Variants in CHD1L observed in about 807,000 individuals in gnomAD.
The protein encoded by CHD1L is ATP-dependent chromatin remodeler CHD1L.
Under a neutral mutation model 115.9 loss-of-function variants are expected in CHD1L, and 118 were observed. The observed-to-expected ratio is 1.02, with a 90% confidence interval of 0.88 to 1.19. The LOEUF is 1.19. CHD1L is among the 50% of genes most tolerant of loss of function. The pLI, the probability that CHD1L is intolerant of heterozygous loss-of-function variation, is 0.00. For synonymous variants in CHD1L, 411 were observed against 387.1 expected, an observed-to-expected ratio of 1.06 and a Z score of -0.72; for missense variants, 1,179 against 1,065.3, an observed-to-expected ratio of 1.11 and a Z score of -1.49.
chr1:147,208,812 C>T, the CHD1L span: 2 of 1,545,148 alleles, frequency 1.3e-6, no homozygotes, highest in East Asian at 4.5e-5. Flanking sequence ...TATTCTTGTG[C>T]TTTGGCCACT....
chr1:147,255,730 C>T, intron 3 of CHD1L, 83 bp from the exon 4 acceptor site: 1 of 917,906 alleles, frequency 1.1e-6, no homozygotes, highest in Middle Eastern at 3.1e-4. Context: ...GCAATCCTCC[C>T]ATGAAATGTA....
chr1:147,261,294 C>A (rs1292421804), intron 6 of CHD1L, among the ~76,000 whole-genome samples: 1 of 152,064 alleles, frequency 6.6e-6, no homozygotes, highest in Non-Finnish European at 1.5e-5. Context: ...AGTCCAAGAT[C>A]AAGGTGCCAG....
chr1:147,195,727 C>G, the CHD1L span, among the ~76,000 whole-genome samples: 2 of 152,062 alleles, frequency 1.3e-5, no homozygotes, highest in Non-Finnish European at 2.9e-5. Flanking sequence ...AAGATTTTGG[C>G]CACATCCAGT....
chr1:147,201,256 TTA>T, the CHD1L span: 5 of 1,614,138 alleles, frequency 3.1e-6, no homozygotes, highest in East Asian at 1.1e-4. Context: ...CCTTTCCAGG[TTA>T]GGAGGGAAGA....
the CHD1L span, among the ~76,000 whole-genome samples, chr1:147,227,427 A>G: frequency 6.6e-6 from 1 of 152,210 alleles, no homozygotes; most frequent in Non-Finnish European, 1.5e-5. Context: ...TTAACAATGT[A>G]ATTTTATTTT....
Position 147,266,092 on chromosome 1 carries a change from T to A in CHD1L, c.895+5T>A. On this transcript the variant is annotated splice_donor_5th_base_variant and intron_variant, in intron 8 of 22. Coordinates refer to ENST00000369258, the MANE Select transcript of CHD1L (RefSeq NM_004284.6). ...CCATTTTGATGAAAGACCTAGGTAA[T>A]CAGAGGGCACTTGTCCATTTAGAAA... The A allele has an allele frequency of 6.2e-7, 1 of 1,605,898 alleles. No individual in the cohort carries two copies. The highest frequency in any genetic ancestry group is 8.5e-7 in the Non-Finnish European group (1 of 1,177,004).
At chr1:147,187,632 A>C in the CHD1L span, among the ~76,000 whole-genome samples, 1 of 152,168 alleles carries the variant, frequency 6.6e-6, no homozygotes. Flanking sequence ...AAAATTCTCA[A>C]GTATGGCATC....
chr1:147,282,512 A>C (rs1450012522), intron 15 of CHD1L, among the ~76,000 whole-genome samples: 2 of 152,132 alleles, frequency 1.3e-5, no homozygotes, highest in Non-Finnish European at 2.9e-5. Flanking sequence ...GTCTCTTCTT[A>C]ATCTGTCATT....
At chr1:147,252,907 T>C (rs978343814) in intron 2 of CHD1L, among the ~76,000 whole-genome samples, 172 bp downstream of exon 2, 3 of 152,346 alleles carry the variant, frequency 2.0e-5, no homozygotes, top group Non-Finnish European at 4.4e-5. Context: ...CAGTCTTCTC[T>C]GCCTCAGTCA....
At chr1:147,209,437 C>CAAACAAAAA in the CHD1L span, among the ~76,000 whole-genome samples, 1 of 109,900 alleles carries the variant, frequency 9.1e-6, no homozygotes, top group East Asian at 2.6e-4. Flanking sequence ...GACTCCGTCT[C>CAAACAAAAA]AAAAAAAAAA....
chr1:147,182,995 C>T, the CHD1L span, among the ~76,000 whole-genome samples: 2,000 of 152,196 alleles, frequency 0.013, 18 homozygotes, highest in Middle Eastern at 0.024. Context: ...GTCAGGAGAT[C>T]GAGACCATCC....
chr1:147,269,667 C>A (rs74517520), intron 10 of CHD1L, among the ~76,000 whole-genome samples: 32 of 93,260 alleles, frequency 3.4e-4, no homozygotes, highest in South Asian at 4.8e-4. Flanking sequence ...GGCTCCATCT[C>A]AAAAAAAAAA....
intron 20 of CHD1L, among the ~76,000 whole-genome samples, chr1:147,292,084 G>A (rs587769293): frequency 2.0e-5 from 3 of 152,184 alleles, no homozygotes; most frequent in Non-Finnish European, 2.9e-5. Context: ...ATCTGTCCCC[G>A]GAGCACCGTC....
the CHD1L span, chr1:147,204,301 C>A: frequency 0.031 from 29,825 of 967,318 alleles, 776 homozygotes; most frequent in South Asian, 0.091. Context: ...GGAAGTGATA[C>A]CACAGCCCAG....
chr1:147,282,766 TCA>T (rs1224052123), intron 15 of CHD1L, among the ~76,000 whole-genome samples: 5 of 152,196 alleles, frequency 3.3e-5, no homozygotes, highest in Non-Finnish European at 7.4e-5. Flanking sequence ...CAAAATAAAG[TCA>T]CACTCTTTTC....
chr1:147,181,403 C>T, the CHD1L span, among the ~76,000 whole-genome samples: 1 of 152,076 alleles, frequency 6.6e-6, no homozygotes, highest in Non-Finnish European at 1.5e-5. Flanking sequence ...GTGACTAGCC[C>T]CAACTAAAAA....
At chr1:147,272,070 G>GA in intron 11 of CHD1L, 101 bp from the exon 12 acceptor site, 1 of 879,804 alleles carries the variant, frequency 1.1e-6, no homozygotes, top group South Asian at 1.8e-5. Flanking sequence ...CCTGTATATG[G>GA]AAAGGGACAA....
chr1:147,184,570 G>C, the CHD1L span: 1 of 1,549,206 alleles, frequency 6.5e-7, no homozygotes, highest in Non-Finnish European at 8.7e-7. This position sits in a 1 kb window ranked among gnomAD's most constrained non-coding sequence, Gnocchi z 4.4. Context: ...TTTTGAGGTA[G>C]TCAGGTATTT....
chr1:147,208,444 C>CTTTTTT, the CHD1L span: 24 of 145,600 alleles, frequency 1.6e-4, no homozygotes, highest in Non-Finnish European at 3.0e-4. Flanking sequence ...CTTTTCTTTT[C>CTTTTTT]TTTTTTTTTT....
Sources: allele counts gnomAD v4.1 joint callset (sites outside exome capture counted in the v4.1 genomes callset), GRCh38; gene constraint gnomAD v4.1.1; non-coding constraint Gnocchi (gnomAD v3.1); transcripts MANE v1.5; gene names NCBI Gene and HGNC (gene_info 2026-07-23, HGNC 2026-07-21).